Variants in COG5 observed in about 807,000 individuals in gnomAD.
The protein encoded by COG5 is component of oligomeric golgi complex 5.
A neutral mutation model predicts 110.4 loss-of-function variants in COG5; 86 were observed. That is an observed-to-expected ratio of 0.78 (90% CI 0.65 to 0.93). The LOEUF (loss-of-function observed/expected upper bound fraction) is 0.93, where lower values mean the gene tolerates loss of function less well. COG5 is among the 40% of genes least tolerant of loss of function. The pLI is 0.00. For missense variants in COG5, 1,077 were observed against 987.0 expected, an observed-to-expected ratio of 1.09 and a Z score of -1.22; for synonymous variants, 360 against 334.6, an observed-to-expected ratio of 1.08 and a Z score of -0.83.
intron 6 of COG5, among the ~76,000 whole-genome samples, chr7:107,413,557 G>GA (rs1247951431): frequency 2.0e-5 from 3 of 151,050 alleles, no homozygotes; most frequent in African/African-American, 7.3e-5. Context: ...AAAAAACCAG[G>GA]AAAAAAATGT....
At chr7:107,272,913 A>C (rs1804396044) in intron 14 of COG5, among the ~76,000 whole-genome samples, 1 of 152,236 alleles carries the variant, frequency 6.6e-6, no homozygotes, top group East Asian at 1.9e-4. Flanking sequence ...AGGATAATCA[A>C]AGACAATCCA....
intron 6 of COG5, among the ~76,000 whole-genome samples, chr7:107,483,158 C>T (rs1797447474): frequency 6.6e-6 from 1 of 152,052 alleles, no homozygotes. Context: ...CTTTAAATTC[C>T]TATTCTGTAT....
intron 21 of COG5, chr7:107,209,262 T>C: frequency 7.1e-6 from 7 of 984,076 alleles, no homozygotes; most frequent in Non-Finnish European, 8.4e-6. Context: ...GTTTGAGGAA[T>C]AAGGATGACA....
At chr7:107,519,422 G>A (rs1377214717) in intron 6 of COG5, among the ~76,000 whole-genome samples, 3 of 151,680 alleles carry the variant, frequency 2.0e-5, no homozygotes, top group Non-Finnish European at 2.9e-5. Flanking sequence ...AGAAAAGAGA[G>A]AAGAATCAAG....
chr7:107,344,968 C>T (rs1229802955), intron 10 of COG5, among the ~76,000 whole-genome samples: 1 of 152,176 alleles, frequency 6.6e-6, no homozygotes, highest in Non-Finnish European at 1.5e-5. Flanking sequence ...CATGTCTTCT[C>T]CACAAAGCTT....
chr7:107,266,369 A>G (rs1344704362), intron 14 of COG5, among the ~76,000 whole-genome samples: 1 of 152,162 alleles, frequency 6.6e-6, no homozygotes, highest in Non-Finnish European at 1.5e-5. Flanking sequence ...GTACCTGAAG[A>G]AGGCAAATTC....
At position 107,462,563 on chromosome 7, in the gene COG5, C is replaced by T. The variant is rs1009341892; in HGVS notation, c.539-49931G>A. On this transcript the variant is annotated intron_variant, in intron 6 of 21. Coordinates refer to ENST00000297135, the MANE Select transcript of COG5 (RefSeq NM_006348.5). Reference sequence around the variant, plus strand: ...AGGGAAAGGCAACAACCCCAATATGCTTTGAGCACTGTTGAAAACACATTA... The same window carrying T: ...AGGGAAAGGCAACAACCCCAATATGTTTTGAGCACTGTTGAAAACACATTA... 2.8e-5 allele frequency among the ~76,000 whole-genome samples: 4 copies of T among 142,012 alleles called. No homozygotes were observed. In the East Asian group the frequency reaches 6.5e-4, roughly 23 times the overall value. The allele number at this position is 142,012 out of a possible 152,430, so 93.2% of individuals were successfully genotyped here. A position where few individuals can be genotyped will look rare whatever the true frequency, so the allele number is the denominator to read the frequency against.
chr7:107,374,416 T>C (rs1346165014), intron 7 of COG5, among the ~76,000 whole-genome samples: 1 of 152,096 alleles, frequency 6.6e-6, no homozygotes, highest in Non-Finnish European at 1.5e-5. Context: ...AAAACTATAT[T>C]TATTGCCTTT....
intron 14 of COG5, among the ~76,000 whole-genome samples, chr7:107,276,381 T>C (rs1241444824): frequency 6.6e-6 from 1 of 152,156 alleles, no homozygotes; most frequent in Non-Finnish European, 1.5e-5. Flanking sequence ...ATTCAAACTT[T>C]CCATTGTGGC....
At chr7:107,299,682 GA>G (rs1364172379) in intron 11 of COG5, among the ~76,000 whole-genome samples, 45 of 150,912 alleles carry the variant, frequency 3.0e-4, no homozygotes, top group African/African-American at 1.1e-3. Context: ...AGATACTAAA[GA>G]AAAATAAAAA....
At chr7:107,278,717 G>GA (rs1378734602) in intron 14 of COG5, among the ~76,000 whole-genome samples, 1 of 152,106 alleles carries the variant, frequency 6.6e-6, no homozygotes, top group African/African-American at 2.4e-5. Context: ...ATGGTGTTGG[G>GA]AAAACTGGCT....
intron 21 of COG5, 44 bp from the exon 22 acceptor site, chr7:107,203,674 A>G: frequency 8.1e-7 from 1 of 1,230,092 alleles, no homozygotes; most frequent in Non-Finnish European, 1.2e-6. Flanking sequence ...TAGATAAATC[A>G]CATAAAACAG....
chr7:107,500,078 A>G (rs1218146244), intron 6 of COG5, among the ~76,000 whole-genome samples: 1 of 152,186 alleles, frequency 6.6e-6, no homozygotes. Flanking sequence ...AGACCCTGTA[A>G]AAAAGAAAGA....
At position 107,354,954 on chromosome 7, in the gene COG5, A is replaced by C. The variant is rs557292073; in HGVS notation, c.1026+7079T>G. 3.3e-5 allele frequency among the ~76,000 whole-genome samples: 5 copies of C among 152,340 alleles called. No homozygotes were observed. The East Asian group carries it at 5.8e-4, about 18-fold the overall frequency. ...CTACTTGAATAACTGTTACAAAAGA[A>C]GCCCTTTAAGATTTGGCTTTCCAAA... On this transcript the variant is annotated intron_variant, in intron 10 of 21. Coordinates refer to ENST00000297135, the MANE Select transcript of COG5 (RefSeq NM_006348.5).
intron 6 of COG5, among the ~76,000 whole-genome samples, chr7:107,415,852 AC>A (rs1430925531): frequency 2.0e-5 from 1 of 51,012 alleles, no homozygotes; most frequent in East Asian, 4.4e-4. Flanking sequence ...GTATATATAC[AC>A]ACACATACAC....
At position 107,240,153 on chromosome 7, in the gene COG5, G is replaced by A. The variant is rs991002438; in HGVS notation, c.1854-3466C>T. On this transcript the variant is annotated intron_variant, in intron 17 of 21. Coordinates refer to ENST00000297135, the MANE Select transcript of COG5 (RefSeq NM_006348.5). ...TTTTGTCTAATTTGGAAAGAAACAC[G>A]TCAGTCTTTTAAAATAAATTTCAAA... Among the ~76,000 whole-genome samples, 24 of 152,230 alleles carry A rather than the reference G, an allele frequency of 1.6e-4. No homozygotes were observed. In the East Asian group the frequency reaches 1.7e-3, roughly 11 times the overall value.
chr7:107,529,020 T>TAAAAAAA lies in COG5; in HGVS notation c.418-1664_418-1663insTTTTTTT, dbSNP rs1377374981. Among the ~76,000 whole-genome samples, 3 of 33,838 alleles carry TAAAAAAA rather than the reference T, an allele frequency of 8.9e-5. No homozygotes were observed. In the African/African-American group the frequency reaches 1.7e-3, roughly 20 times the overall value. The allele number at this position is 33,838 out of a possible 152,430, so 22.2% of individuals were successfully genotyped here. A position where few individuals can be genotyped will look rare whatever the true frequency, so the allele number is the denominator to read the frequency against. ...TTCAGAGAAACTAATCTGAAATACT[T>TAAAAAAA]AAATAAAAAAAAAAAAAAAGGAATG... On this transcript the variant is annotated intron_variant, in intron 5 of 21. Coordinates refer to ENST00000297135, the MANE Select transcript of COG5 (RefSeq NM_006348.5).
chr7:107,393,559 TG>T (rs1347905525), intron 7 of COG5, among the ~76,000 whole-genome samples: 4 of 151,928 alleles, frequency 2.6e-5, no homozygotes, highest in Non-Finnish European at 5.9e-5. Flanking sequence ...ACCAAGGGGG[TG>T]GGCCCACAGC....
At chr7:107,424,616 A>G (rs1215849108) in intron 6 of COG5, among the ~76,000 whole-genome samples, 1 of 152,126 alleles carries the variant, frequency 6.6e-6, no homozygotes, top group Non-Finnish European at 1.5e-5. Flanking sequence ...CTATGCTTAC[A>G]AAAGACATCA....
Sources: allele counts gnomAD v4.1 joint callset (sites outside exome capture counted in the v4.1 genomes callset), GRCh38; gene constraint gnomAD v4.1.1; transcripts MANE v1.5; gene names NCBI Gene and HGNC (gene_info 2026-07-23, HGNC 2026-07-21).